PKD2: variants seen among roughly 807,000 people sequenced by gnomAD.
PKD2 encodes polycystin-2.
PKD2 carries 48 observed loss-of-function variants against 105.9 expected under a neutral mutation model. That is an observed-to-expected ratio of 0.45 (90% CI 0.36 to 0.58). The LOEUF is 0.58. PKD2 is among the 20% of genes least tolerant of loss of function. The pLI is 0.00. For synonymous variants in PKD2, 464 were observed against 481.1 expected (o/e 0.96, Z 0.46); for missense variants, 1,078 against 1,255.3 (o/e 0.86, Z 2.13).
intron 2 of PKD2, among the ~76,000 whole-genome samples, chr4:88,033,623 A>G: frequency 6.6e-6 from 1 of 152,294 alleles, no homozygotes. Context: ...TAGGAAAATA[A>G]AGAGATAAAT....
intron 5 of PKD2, among the ~76,000 whole-genome samples, 153 bp from the exon 6 acceptor site, chr4:88,046,489 C>G (rs936246536): frequency 6.6e-6 from 1 of 152,134 alleles, no homozygotes; most frequent in African/African-American, 2.4e-5. Context: ...GAATTATTAG[C>G]TATGATAAAA....
intron 10 of PKD2, among the ~76,000 whole-genome samples, chr4:88,062,986 T>A (rs1271278024): frequency 6.6e-6 from 1 of 152,162 alleles, no homozygotes; most frequent in Non-Finnish European, 1.5e-5. Context: ...ACAACACAGT[T>A]CAAATTTCAG....
intron 8 of PKD2, among the ~76,000 whole-genome samples, chr4:88,057,575 A>G (rs1048395179): frequency 1.3e-5 from 2 of 151,496 alleles, no homozygotes; most frequent in Middle Eastern, 3.4e-3. Context: ...AGCTGAGATT[A>G]TGGGCGCACG....
intron 4 of PKD2, among the ~76,000 whole-genome samples, chr4:88,041,735 A>G (rs1727572714): frequency 6.6e-6 from 1 of 152,190 alleles, no homozygotes; most frequent in African/African-American, 2.4e-5. Flanking sequence ...TGCTTATACA[A>G]ATAGCACAGG....
chr4:88,058,756 A>G (rs935030506), intron 9 of PKD2, among the ~76,000 whole-genome samples: 2 of 152,202 alleles, frequency 1.3e-5, no homozygotes, highest in African/African-American at 2.4e-5. Context: ...ATTATTTTCA[A>G]AAATAATTTT....
intron 1 of PKD2, 57 bp downstream of exon 1, chr4:88,008,385 C>G: frequency 8.2e-6 from 12 of 1,471,394 alleles, no homozygotes; most frequent in Non-Finnish European, 1.1e-5. Context: ...CGGCGCCGGC[C>G]GGGGCCATCG....
At position 88,028,863 on chromosome 4, in the gene PKD2, T is replaced by C. The variant is rs142947016; in HGVS notation, c.710-7357T>C. Reference sequence around the variant, plus strand: ...CAAGATTGTCTGTATATAAATATTATACATCTTTCTCTCACTTTTAAAACA... The same window carrying C: ...CAAGATTGTCTGTATATAAATATTACACATCTTTCTCTCACTTTTAAAACA... On this transcript the variant is annotated intron_variant, in intron 2 of 14. Coordinates refer to ENST00000237596, the MANE Select transcript of PKD2 (RefSeq NM_000297.4). Among the ~76,000 whole-genome samples, 369 of 152,388 alleles carry C rather than the reference T, an allele frequency of 2.4e-3. 1 individual carries two copies. The highest frequency in any genetic ancestry group is 8.5e-3 in the African/African-American group (353 of 41,602).
At chr4:88,063,562 A>AAGAAG (rs1720664819) in intron 10 of PKD2, among the ~76,000 whole-genome samples, 1 of 152,128 alleles carries the variant, frequency 6.6e-6, no homozygotes, top group African/African-American at 2.4e-5. Context: ...AAGAAAAGAA[A>AAGAAG]AAGAGAATGG....
chr4:88,011,425 T>C (rs1479532982), intron 1 of PKD2, among the ~76,000 whole-genome samples: 1 of 151,736 alleles, frequency 6.6e-6, no homozygotes, highest in Non-Finnish European at 1.5e-5. Context: ...TTCAATACCC[T>C]GAAGAACAAG....
chr4:88,065,697 C>T, intron 11 of PKD2, 65 bp from the exon 12 acceptor site: 2 of 1,284,834 alleles, frequency 1.6e-6, no homozygotes, highest in Non-Finnish European at 2.3e-6. Context: ...ATTTTGATGT[C>T]TCTGTGTTGA....
chr4:88,065,746 C>G lies in PKD2; in HGVS notation c.2241-16C>G, dbSNP rs146128307. Reference sequence around the variant, plus strand: ...ACAAGGAATGATTTTTATCTGTATCCTCTCTCTAATTTCAGGAAGGGCCAT... The same window carrying G: ...ACAAGGAATGATTTTTATCTGTATCGTCTCTCTAATTTCAGGAAGGGCCAT... On this transcript the variant is annotated splice_polypyrimidine_tract_variant and intron_variant, in intron 11 of 14. Coordinates refer to ENST00000237596, the MANE Select transcript of PKD2 (RefSeq NM_000297.4). The G allele has an allele frequency of 6.5e-7, 1 of 1,538,402 alleles. No homozygotes were observed. Among genetic ancestry groups the G allele is most frequent in the Non-Finnish European group, 9.0e-7 (1 of 1,110,954 alleles).
intron 14 of PKD2, 62 bp from the exon 15 acceptor site, chr4:88,075,396 C>T: frequency 1.7e-6 from 2 of 1,189,690 alleles, no homozygotes; most frequent in Admixed American, 3.4e-5. Context: ...TATTTGGTCC[C>T]TGGACTTCCT....
At chr4:88,062,729 AT>A (rs550353753) in intron 10 of PKD2, among the ~76,000 whole-genome samples, 1,544 of 148,962 alleles carry the variant, frequency 0.01, 24 homozygotes, top group Middle Eastern at 0.062. Flanking sequence ...CTTAACTGTA[AT>A]TTTTTTTTTT....
rs572187175 is a variant in PKD2, at chr4:88,048,848, A to C, written c.1548+1978A>C. Among the ~76,000 whole-genome samples, 65 of 152,346 alleles carry C rather than the reference A, an allele frequency of 4.3e-4. 1 individual carries two copies. Among genetic ancestry groups the C allele is most frequent in the African/African-American group, 1.5e-3 (62 of 41,584 alleles). On this transcript the variant is annotated intron_variant, in intron 6 of 14. Coordinates refer to ENST00000237596, the MANE Select transcript of PKD2 (RefSeq NM_000297.4). Reference sequence around the variant, plus strand: ...ATTTAAGGAAACAGGAGAGACGATAATACTGGAAATAATTTTTCAGAATAT... The same window carrying C: ...ATTTAAGGAAACAGGAGAGACGATACTACTGGAAATAATTTTTCAGAATAT...
Position 88,043,416 on chromosome 4 carries a change from C to T in PKD2, c.1278C>T (p.Phe426=), listed in dbSNP as rs923362491. 3.7e-6 allele frequency: 6 copies of T among 1,613,926 alleles called. No homozygotes were observed. The highest frequency in any genetic ancestry group is 3.3e-5 in the Admixed American group (2 of 59,990). The change falls in exon 5 of 15, where the codon TTC becomes TTT. Residue 426 remains phenylalanine (F), a synonymous_variant. Coordinates refer to ENST00000237596, the MANE Select transcript of PKD2 (RefSeq NM_000297.4). ...DRGTRATFID[F]SVYNANINLF... ...GAACCAGGGCAACTTTTATTGACTT[C>T]TCAGTGTACAACGCCAACATTAACC... is the stretch of plus-strand genomic sequence containing the variant.
chr4:88,028,463 C>A (rs974901305), intron 2 of PKD2, among the ~76,000 whole-genome samples: 4 of 152,242 alleles, frequency 2.6e-5, no homozygotes, highest in African/African-American at 9.6e-5. Context: ...ACTATTAAGC[C>A]TTCAACTATG....
intron 4 of PKD2, among the ~76,000 whole-genome samples, chr4:88,042,275 G>A (rs1274506836): frequency 6.6e-6 from 1 of 152,198 alleles, no homozygotes; most frequent in African/African-American, 2.4e-5. Flanking sequence ...GTCTTACGTG[G>A]ATGGCAGCAG....
chr4:88,013,273 A>G (rs1254464088), intron 1 of PKD2, among the ~76,000 whole-genome samples: 2 of 152,134 alleles, frequency 1.3e-5, no homozygotes, highest in Non-Finnish European at 2.9e-5. Flanking sequence ...CATTCATGGG[A>G]CTTTCTTTTG....
chr4:88,075,164 TAA>T (rs1721187408), intron 14 of PKD2, among the ~76,000 whole-genome samples: 1 of 152,228 alleles, frequency 6.6e-6, no homozygotes, highest in African/African-American at 2.4e-5. Context: ...TCTCTTGCTA[TAA>T]AACATCAATG....
Sources: gnomAD v4.1 joint callset for allele counts (sites outside exome capture counted in the v4.1 genomes callset) on GRCh38, gnomAD v4.1.1 for gene constraint, MANE v1.5 for transcripts, NCBI Gene and HGNC (gene_info 2026-07-23, HGNC 2026-07-21) for gene names.